Variants in PKD1L1 observed in about 807,000 individuals in gnomAD.
The protein encoded by PKD1L1 is polycystin 1 like 1, transient receptor potential channel interacting.
PKD1L1 carries 236 observed loss-of-function variants against 323.4 expected under a neutral mutation model. The ratio of observed to expected loss-of-function variants is 0.73; its 90% CI spans 0.66 to 0.81. The LOEUF (loss-of-function observed/expected upper bound fraction) is 0.81. PKD1L1 is among the 40% of genes least tolerant of loss of function. PKD1L1 has a pLI of 0.00. For missense variants in PKD1L1, 3,320 were observed against 3,508.0 expected (o/e 0.95, Z 1.35); for synonymous variants, 1,344 against 1,335.0 (o/e 1.01, Z -0.15).
chr7:47,921,373 CAAAAAATA>C (rs1342080097), intron 7 of PKD1L1, among the ~76,000 whole-genome samples: 2 of 151,426 alleles, frequency 1.3e-5, no homozygotes, highest in Non-Finnish European at 2.9e-5. Context: ...TGGCTATAAT[CAAAAAATA>C]AAAAAATAGT....
chr7:47,923,151 G>A (rs1387795481), intron 7 of PKD1L1, among the ~76,000 whole-genome samples: 2 of 151,946 alleles, frequency 1.3e-5, no homozygotes, highest in African/African-American at 2.4e-5. Flanking sequence ...GTTAAGAGTC[G>A]TCACCACTCC....
chr7:47,931,904 A>C, intron 5 of PKD1L1, 32 bp downstream of exon 5: 1 of 1,590,072 alleles, frequency 6.3e-7, no homozygotes, highest in Non-Finnish European at 8.6e-7. Context: ...CAGCTTTCTG[A>C]TGAAATTCAA....
Position 47,857,922 on chromosome 7 carries a change from T to C in PKD1L1, c.4363-90A>G, listed in dbSNP as rs1376315351. Reference sequence around the variant, plus strand: ...GACTAGGAGAGAGGGGAAAAGTAGTTAAAAAGCCCATCTCAAGTTAGATTG... The same window carrying C: ...GACTAGGAGAGAGGGGAAAAGTAGTCAAAAAGCCCATCTCAAGTTAGATTG... On this transcript the variant is annotated intron_variant, in intron 27 of 56. Transcript: ENST00000289672. 4.0e-6 allele frequency: 5 copies of C among 1,254,960 alleles called. No individual in the cohort carries two copies. In the African/African-American group the frequency reaches 7.4e-5, roughly 19 times the overall value. 77.7% of individuals were successfully genotyped at this position (1,254,960 alleles called of 1,614,324 possible). A position where few individuals can be genotyped will look rare whatever the true frequency, so the allele number is the denominator to read the frequency against.
intron 13 of PKD1L1, among the ~76,000 whole-genome samples, chr7:47,901,202 G>A (rs1004588621): frequency 2.0e-5 from 3 of 151,788 alleles, no homozygotes; most frequent in Admixed American, 6.6e-5. Flanking sequence ...GCTACGCATG[G>A]TGGTGCACAC....
At chr7:47,785,440 T>C (rs1257194115) in intron 56 of PKD1L1, among the ~76,000 whole-genome samples, 1 of 152,178 alleles carries the variant, frequency 6.6e-6, no homozygotes, top group African/African-American at 2.4e-5. Context: ...AAAGTGTTAA[T>C]AGTCTCTATT....
At chr7:47,888,755 C>T (rs1786743034) in intron 16 of PKD1L1, among the ~76,000 whole-genome samples, 1 of 152,200 alleles carries the variant, frequency 6.6e-6, no homozygotes, top group African/African-American at 2.4e-5. Flanking sequence ...TCCCTTGGGC[C>T]TGCATTCCAT....
intron 26 of PKD1L1, among the ~76,000 whole-genome samples, chr7:47,862,830 A>T (rs1786062684): frequency 6.6e-6 from 1 of 152,172 alleles, no homozygotes; most frequent in Admixed American, 6.5e-5. Context: ...GGAGCCAGAC[A>T]CTGCAGGTGC....
chr7:47,857,284 C>G (rs1785925991), intron 28 of PKD1L1, among the ~76,000 whole-genome samples: 1 of 152,216 alleles, frequency 6.6e-6, no homozygotes, highest in Non-Finnish European at 1.5e-5. Flanking sequence ...TGCATAATCA[C>G]TGCATCACAT....
At chr7:47,803,096 T>C in intron 53 of PKD1L1, 114 bp downstream of exon 53, 3 of 1,317,574 alleles carry the variant, frequency 2.3e-6, no homozygotes, top group Non-Finnish European at 3.2e-6. Flanking sequence ...AAGACTGGAA[T>C]TCTAGACGGT....
rs139858574 is a variant in PKD1L1, at chr7:47,890,597, G to A, written c.2620C>T (p.Arg874Trp). 2.5e-4 allele frequency: 410 copies of A among 1,614,024 alleles called. No individual in the cohort carries two copies. Among genetic ancestry groups the A allele is most frequent in the Non-Finnish European group, 3.2e-4 (372 of 1,180,040 alleles). ...AACACCCGGGTCTCAGAAGAGTTCC[G>A]GCCACCACTGGAGACCCTCAGCATC... ...LVMLRVSSGG[R>W]NSSETRVFLS... Residue 874 changes from arginine (R) to tryptophan (W), a missense_variant, in exon 16 of 57, where the codon CGG becomes TGG. Coordinates refer to ENST00000289672, the MANE Select transcript of PKD1L1 (RefSeq NM_138295.5).
intron 54 of PKD1L1, 103 bp downstream of exon 54, chr7:47,800,546 G>T: frequency 8.6e-7 from 1 of 1,159,626 alleles, no homozygotes; most frequent in Non-Finnish European, 1.2e-6. Flanking sequence ...ATGAGATCTG[G>T]CCTGTGTTGC....
chr7:47,924,310 A>C (rs1380111695), intron 7 of PKD1L1, among the ~76,000 whole-genome samples: 1 of 152,192 alleles, frequency 6.6e-6, no homozygotes, highest in Non-Finnish European at 1.5e-5. Context: ...AGCATCCCAA[A>C]CTGTCTTTGT....
At chr7:47,951,037 G>A (rs1788196996), upstream of PKD1L1, among the ~76,000 whole-genome samples, 1 of 152,244 alleles carries the variant, frequency 6.6e-6, no homozygotes, top group South Asian at 2.1e-4. Flanking sequence ...ACGGAGGGGT[G>A]TGCTGCTTAA....
chr7:47,787,625 A>T (rs1786838205), intron 56 of PKD1L1, among the ~76,000 whole-genome samples: 1 of 152,240 alleles, frequency 6.6e-6, no homozygotes, highest in African/African-American at 2.4e-5. Context: ...CTTGCTAGTT[A>T]TATGAGCTAT....
chr7:47,921,001 GA>G (rs1787523829), intron 7 of PKD1L1, among the ~76,000 whole-genome samples: 1 of 152,054 alleles, frequency 6.6e-6, no homozygotes, highest in South Asian at 2.1e-4. Context: ...TCATGACCAA[GA>G]ACCCAAAAGC....
intron 13 of PKD1L1, 129 bp downstream of exon 13, chr7:47,902,250 A>T: frequency 7.5e-7 from 1 of 1,334,406 alleles, no homozygotes. Flanking sequence ...CCTTTGTGTA[A>T]ATTGCAGTAG....
At chr7:47,812,228 T>C (rs1411233311) in intron 49 of PKD1L1, among the ~76,000 whole-genome samples, 177 bp from the exon 50 acceptor site, 1 of 152,030 alleles carries the variant, frequency 6.6e-6, no homozygotes, top group Non-Finnish European at 1.5e-5. Flanking sequence ...AGAGACCTCA[T>C]CAATAGCCCT....
At chr7:47,830,641 C>T (rs1785328015) in intron 42 of PKD1L1, among the ~76,000 whole-genome samples, 1 of 152,174 alleles carries the variant, frequency 6.6e-6, no homozygotes, top group Non-Finnish European at 1.5e-5. Context: ...GATTCAACAT[C>T]TACAGTTGAG....
At chr7:47,790,727 G>A (rs973930346) in intron 56 of PKD1L1, among the ~76,000 whole-genome samples, 4 of 151,620 alleles carry the variant, frequency 2.6e-5, no homozygotes, top group Non-Finnish European at 5.9e-5. Context: ...TAAGTCCAGC[G>A]ACTTTATTAG....
Sources: gnomAD v4.1 joint callset for allele counts (sites outside exome capture counted in the v4.1 genomes callset) on GRCh38, gnomAD v4.1.1 for gene constraint, MANE v1.5 for transcripts, NCBI Gene and HGNC (gene_info 2026-07-23, HGNC 2026-07-21) for gene names.